GALNT14: variants seen among roughly 807,000 people sequenced by gnomAD.
The protein encoded by GALNT14 is UDP-GalNAc:polypeptide N-acetylgalactosaminyltransferase 14.
A neutral mutation model predicts 77.5 loss-of-function variants in GALNT14; 60 were observed. The observed-to-expected ratio is 0.77, with a 90% confidence interval of 0.63 to 0.96. The LOEUF (loss-of-function observed/expected upper bound fraction) is 0.96, where lower values mean the gene tolerates loss of function less well. Among genes scored for constraint, GALNT14 ranks in the 40% least tolerant of loss-of-function variants. GALNT14 has a pLI of 0.00. For missense variants in GALNT14, 710 were observed against 731.0 expected (o/e 0.97, Z 0.33); for synonymous variants, 280 against 281.7 (o/e 0.99, Z 0.06).
intron 9 of GALNT14, among the ~76,000 whole-genome samples, chr2:30,937,825 T>A (rs1666146136): frequency 6.6e-6 from 1 of 152,148 alleles, no homozygotes; most frequent in Non-Finnish European, 1.5e-5. Context: ...GGTGTGGACA[T>A]CTTTGGGAGG....
chr2:30,989,582 A>ATATATATAAAT (rs1553351577), intron 2 of GALNT14, among the ~76,000 whole-genome samples: 9 of 114,136 alleles, frequency 7.9e-5, no homozygotes, highest in African/African-American at 2.9e-4. Context: ...ATATATATAT[A>ATATATATAAAT]AAAATATATA....
chr2:30,952,328 T>C (rs1027160732), intron 6 of GALNT14, among the ~76,000 whole-genome samples: 3 of 151,972 alleles, frequency 2.0e-5, no homozygotes, highest in Admixed American at 1.3e-4. Context: ...TATTGCGGCA[T>C]TATTCACAAT....
intron 1 of GALNT14, chr2:31,125,163 G>A (rs1237246152): frequency 3.7e-5 from 57 of 1,549,116 alleles, no homozygotes; most frequent in Non-Finnish European, 4.7e-5. Context: ...CCTGTAGGAA[G>A]ATGCCCTCTT....
chr2:30,956,617 C>G (rs1220735649), intron 4 of GALNT14, among the ~76,000 whole-genome samples: 1 of 152,216 alleles, frequency 6.6e-6, no homozygotes, highest in African/African-American at 2.4e-5. Flanking sequence ...AGTGATTCTC[C>G]TGCCTCAGCC....
At chr2:31,134,857 C>G (rs1274013330) in intron 1 of GALNT14, among the ~76,000 whole-genome samples, 1 of 152,224 alleles carries the variant, frequency 6.6e-6, no homozygotes, top group Non-Finnish European at 1.5e-5. Flanking sequence ...CATTCTTGTC[C>G]TGATGCTGCC....
At chr2:31,128,512 C>A (rs1473215198) in intron 1 of GALNT14, among the ~76,000 whole-genome samples, 1 of 152,144 alleles carries the variant, frequency 6.6e-6, no homozygotes, top group Non-Finnish European at 1.5e-5. Flanking sequence ...GTTTAAGGAC[C>A]ACATTCATCA....
chr2:30,910,624 T>C lies in GALNT14; in HGVS notation c.*277A>G. The C allele has an allele frequency of 2.8e-6, 1 of 360,998 alleles. No individual in the cohort carries two copies. The highest frequency in any genetic ancestry group is 5.1e-5 in the East Asian group (1 of 19,512). 22.4% of individuals were successfully genotyped at this position (360,998 alleles called of 1,614,324 possible). A position where few individuals can be genotyped will look rare whatever the true frequency, so the allele number is the denominator to read the frequency against. ...GAAAAGGAACAATAAACACTTCCCA[T>C]TAGGTTTCTGTCTCCAGATACCAAT... On this transcript the variant is annotated 3_prime_UTR_variant, in exon 15 of 15. Coordinates refer to ENST00000349752, the MANE Select transcript of GALNT14 (RefSeq NM_024572.4).
At chr2:30,888,424 A>G in the GALNT14 span, among the ~76,000 whole-genome samples, 1 of 152,190 alleles carries the variant, frequency 6.6e-6, no homozygotes, top group Non-Finnish European at 1.5e-5. Context: ...TACTGTAATT[A>G]TTACCCCCAC....
chr2:31,079,649 T>C (rs1573316150), intron 1 of GALNT14, among the ~76,000 whole-genome samples: 2 of 152,340 alleles, frequency 1.3e-5, no homozygotes, highest in East Asian at 1.9e-4. Flanking sequence ...ACGTCTCATG[T>C]GTTGGCTCTG....
At chr2:30,888,516 A>G in the GALNT14 span, among the ~76,000 whole-genome samples, 8 of 152,220 alleles carry the variant, frequency 5.3e-5, no homozygotes, top group Non-Finnish European at 1.2e-4. Context: ...CAAATGCTGC[A>G]TGAGTGTTAG....
At chr2:30,887,693 A>T in the GALNT14 span, among the ~76,000 whole-genome samples, 2 of 152,202 alleles carry the variant, frequency 1.3e-5, no homozygotes, top group African/African-American at 4.8e-5. Flanking sequence ...CTTTTGACGC[A>T]CATAAGTTTT....
rs201405928 is a variant in GALNT14 at position 31,034,553 on chromosome 2, G to GT, written c.130-41547dup. On this transcript the variant is annotated intron_variant, in intron 1 of 14. Coordinates refer to ENST00000349752, the MANE Select transcript of GALNT14 (RefSeq NM_024572.4). ...ACTGACTTTTGATCTTTTTCTAGTT[G>GT]TTTTGTTTTTTTTTGATTATCTGTT... is the stretch of plus-strand genomic sequence containing the variant. Among the ~76,000 whole-genome samples the GT allele has an allele frequency of 4.8e-3, 721 of 149,202 alleles. 4 individuals are homozygous for GT. Among genetic ancestry groups the GT allele is most frequent in the African/African-American group, 0.017 (682 of 40,180 alleles).
chr2:31,093,482 G>T (rs531904813), intron 1 of GALNT14, among the ~76,000 whole-genome samples: 2 of 152,190 alleles, frequency 1.3e-5, no homozygotes, highest in Non-Finnish European at 2.9e-5. Flanking sequence ...GGAATCTAAG[G>T]TTCTATTAGC....
At chr2:31,015,251 C>G (rs928209525) in intron 1 of GALNT14, among the ~76,000 whole-genome samples, 23 of 149,020 alleles carry the variant, frequency 1.5e-4, no homozygotes, top group African/African-American at 5.5e-4. Flanking sequence ...AAGAGCGTAC[C>G]ATTGCACTCC....
intron 1 of GALNT14, among the ~76,000 whole-genome samples, chr2:31,020,528 A>G (rs764159635): frequency 2.0e-5 from 3 of 152,186 alleles, no homozygotes; most frequent in Non-Finnish European, 4.4e-5. Context: ...CCGGAATCAC[A>G]TAAGGATGGG....
intron 2 of GALNT14, among the ~76,000 whole-genome samples, chr2:30,969,550 G>A (rs148826006): frequency 1.1e-3 from 171 of 152,326 alleles, no homozygotes; most frequent in Middle Eastern, 6.8e-3. Flanking sequence ...ATGCACACAC[G>A]CAGTTACGCA....
At chr2:31,078,359 C>T (rs4952048) in intron 1 of GALNT14, among the ~76,000 whole-genome samples, 1 of 152,202 alleles carries the variant, frequency 6.6e-6, no homozygotes, top group Non-Finnish European at 1.5e-5. Flanking sequence ...ATCATAAGTT[C>T]ACCTGGTCAG....
At chr2:30,983,789 ACACACACACACACACACACGTATG>A (rs1369746623) in intron 2 of GALNT14, among the ~76,000 whole-genome samples, 4 of 27,872 alleles carry the variant, frequency 1.4e-4, no homozygotes, top group Non-Finnish European at 2.3e-4. Context: ...ACACACACAC[ACACACACACACACACACACGTATG>A]CACACACACA....
chr2:30,910,523 C>T lies in GALNT14; in HGVS notation c.*378G>A, dbSNP rs1664291461. Reference sequence around the variant, plus strand: ...TCTTTTGGAAACAACCTCCATTCTTCATCTCTCAATGTAGTCCTGGCCTAG... The same window carrying T: ...TCTTTTGGAAACAACCTCCATTCTTTATCTCTCAATGTAGTCCTGGCCTAG... On this transcript the variant is annotated 3_prime_UTR_variant, in exon 15 of 15. Coordinates refer to ENST00000349752, the MANE Select transcript of GALNT14 (RefSeq NM_024572.4). 5.9e-6 allele frequency: 1 copy of T among 169,630 alleles called. No homozygotes were observed. The highest frequency in any genetic ancestry group is 2.4e-5 in the African/African-American group (1 of 42,014). The allele number at this position is 169,630 out of a possible 1,614,324, so 10.5% of individuals were successfully genotyped here. A position where few individuals can be genotyped will look rare whatever the true frequency, so the allele number is the denominator to read the frequency against.
Sources: gnomAD v4.1 joint callset for allele counts (sites outside exome capture counted in the v4.1 genomes callset) on GRCh38, gnomAD v4.1.1 for gene constraint, MANE v1.5 for transcripts, NCBI Gene and HGNC (gene_info 2026-07-23, HGNC 2026-07-21) for gene names.